DDI2: variants seen among roughly 807,000 people sequenced by gnomAD.
DDI2 encodes DDI proteasomal shuttling factor 2.
A neutral mutation model predicts 48.1 loss-of-function variants in DDI2; 5 were observed. The observed-to-expected ratio is 0.10, with a 90% CI of 0.05 to 0.22. The LOEUF (loss-of-function observed/expected upper bound fraction) is 0.22, where lower values mean the gene tolerates loss of function less well. Ranked by LOEUF, DDI2 falls within the 10% of genes least tolerant of loss-of-function variation. The pLI, the probability that DDI2 is intolerant of heterozygous loss-of-function variation, is 1.00. For missense variants in DDI2, 285 were observed against 506.2 expected (o/e 0.56, Z 4.19); for synonymous variants, 205 against 183.6 (o/e 1.12, Z -0.94).
chr1:15,667,419 G>C lies in DDI2; in HGVS notation c.*7629G>C, dbSNP rs945882904. 1 of 152,154 alleles carries C rather than the reference G, an allele frequency of 6.6e-6. No individual in the cohort carries two copies. Among genetic ancestry groups the C allele is most frequent in the African/African-American group, 2.4e-5 (1 of 41,442 alleles). 9.4% of individuals were successfully genotyped at this position (152,154 alleles called of 1,614,324 possible). On this transcript the variant is annotated 3_prime_UTR_variant, in exon 10 of 10. Coordinates refer to ENST00000480945, the MANE Select transcript of DDI2 (RefSeq NM_032341.5). ...ATCCATCAGACCACCTCACATGCAG[G>C]GTAGAAACATGGAGTGTGCGGCAGC...
intron 5 of DDI2, among the ~76,000 whole-genome samples, chr1:15,639,959 C>T (rs1401802543): frequency 1.3e-5 from 2 of 151,352 alleles, no homozygotes; most frequent in Admixed American, 1.3e-4. Flanking sequence ...TCAGGGCTTG[C>T]AGTGAGCTGT....
chr1:15,619,777 C>T (rs1249500710), intron 1 of DDI2, among the ~76,000 whole-genome samples: 1 of 152,068 alleles, frequency 6.6e-6, no homozygotes, highest in African/African-American at 2.4e-5. Flanking sequence ...TTGTTTTTTC[C>T]TCTAGCTGTT....
intron 1 of DDI2, among the ~76,000 whole-genome samples, chr1:15,620,170 CTGGTGTTAAGCCTGTAT>C (rs1453961024): frequency 6.6e-6 from 1 of 152,174 alleles, no homozygotes; most frequent in African/African-American, 2.4e-5. Context: ...TGGGCTCCAA[CTGGTGTTAAGCCTGTAT>C]TAGATAGCCA....
At chr1:15,623,387 C>CTTTTTT (rs777821777) in intron 1 of DDI2, among the ~76,000 whole-genome samples, 5 of 107,464 alleles carry the variant, frequency 4.7e-5, no homozygotes, top group African/African-American at 1.1e-4. Context: ...TTTTCTTCTT[C>CTTTTTT]TTTTTTTTTT....
intron 8 of DDI2, among the ~76,000 whole-genome samples, chr1:15,652,446 C>CGGGGGGGGG (rs1396074011): frequency 1.3e-4 from 2 of 15,882 alleles, no homozygotes; most frequent in Non-Finnish European, 3.0e-4. Flanking sequence ...TGGGAGGCTC[C>CGGGGGGGGG]GGAGGGGGGG....
At chr1:15,655,961 C>T (rs917951125) in intron 8 of DDI2, among the ~76,000 whole-genome samples, 1 of 151,676 alleles carries the variant, frequency 6.6e-6, no homozygotes, top group South Asian at 2.1e-4. Flanking sequence ...TTTTTAAATA[C>T]TTTATACTCT....
intron 9 of DDI2, among the ~76,000 whole-genome samples, chr1:15,657,516 C>T (rs940439174): frequency 2.0e-5 from 3 of 152,180 alleles, no homozygotes; most frequent in Non-Finnish European, 2.9e-5. Flanking sequence ...TGACCTAGTC[C>T]TCCCCTACGT....
chr1:15,628,815 T>C (rs1050949475), intron 2 of DDI2, among the ~76,000 whole-genome samples: 2 of 152,222 alleles, frequency 1.3e-5, no homozygotes, highest in African/African-American at 4.8e-5. Context: ...CGTATTTTCA[T>C]TACCTTAAAA....
intron 1 of DDI2, among the ~76,000 whole-genome samples, chr1:15,625,713 G>A (rs537584856): frequency 7.5e-4 from 114 of 152,190 alleles, no homozygotes; most frequent in African/African-American, 2.6e-3. Flanking sequence ...TTGCCTCCCG[G>A]GTTTAAGCAA....
At position 15,662,465 on chromosome 1, in the gene DDI2, G is replaced by A. The variant is rs900817052; in HGVS notation, c.*2675G>A. The A allele has an allele frequency of 6.6e-6, 1 of 152,150 alleles. No homozygotes were observed. Among genetic ancestry groups the A allele is most frequent in the African/African-American group, 2.4e-5 (1 of 41,414 alleles). The allele number at this position is 152,150 out of a possible 1,614,324, so 9.4% of individuals were successfully genotyped here. A position where few individuals can be genotyped will look rare whatever the true frequency, so the allele number is the denominator to read the frequency against. On this transcript the variant is annotated 3_prime_UTR_variant, in exon 10 of 10. Coordinates refer to ENST00000480945, the MANE Select transcript of DDI2 (RefSeq NM_032341.5). ...GGAGTTACAATGCAAGTGAAACGTG[G>A]TGCTACCCAGATTCTTAAAAGAACA... is the stretch of plus-strand genomic sequence containing the variant.
chr1:15,617,905 T>A, intron 1 of DDI2, 97 bp downstream of exon 1: 4 of 1,380,328 alleles, frequency 2.9e-6, no homozygotes, highest in Non-Finnish European at 3.8e-6. Context: ...AATTGGGGGC[T>A]GGGGGGAGCA....
intron 1 of DDI2, 57 bp from the exon 2 acceptor site, chr1:15,626,612 C>A: frequency 6.2e-7 from 1 of 1,605,092 alleles, no homozygotes; most frequent in Non-Finnish European, 8.5e-7. Flanking sequence ...GTCCTTCTGC[C>A]TTGCGCTGTG....
At chr1:15,648,576 A>G (rs1204006387) in intron 6 of DDI2, among the ~76,000 whole-genome samples, 2 of 152,230 alleles carry the variant, frequency 1.3e-5, no homozygotes, top group Admixed American at 6.5e-5. Context: ...TCAAAGGACT[A>G]TCTAGAAGAT....
At chr1:15,639,704 C>A (rs1403417986) in intron 5 of DDI2, among the ~76,000 whole-genome samples, 1 of 152,160 alleles carries the variant, frequency 6.6e-6, no homozygotes, top group African/African-American at 2.4e-5. Flanking sequence ...CCTCAACTCT[C>A]ATTAAGAGTT....
At chr1:15,640,371 G>T (rs187550272) in intron 5 of DDI2, among the ~76,000 whole-genome samples, 1 of 152,266 alleles carries the variant, frequency 6.6e-6, no homozygotes, top group East Asian at 1.9e-4. Flanking sequence ...ATATAGAGAG[G>T]TCACATTCTC....
At position 15,633,584 on chromosome 1, in the gene DDI2, A is replaced by G; in HGVS notation, c.632+19A>G. 8 of 1,607,984 alleles carry G rather than the reference A, an allele frequency of 5.0e-6. No homozygotes were observed. The highest frequency in any genetic ancestry group is 6.8e-6 in the Non-Finnish European group (8 of 1,176,718). ...ATATAAGGTAAAGACCTGTTCATCT[A>G]AAGAACAAAACTTAGAGACTCCAGA... On this transcript the variant is annotated intron_variant, in intron 4 of 9. Coordinates refer to ENST00000480945, the MANE Select transcript of DDI2 (RefSeq NM_032341.5).
chr1:15,651,818 G>A lies in DDI2; in HGVS notation c.1106G>A (p.Gly369Glu), dbSNP rs1431618713. Residue 369 changes from glycine (G) to glutamate (E), a missense_variant, in exon 8 of 10, where the codon GGA becomes GAA. Physicochemically the swap from Gly to Glu is moderately conservative, Grantham distance 98. This residue lies in a region of DDI2 where 66 missense variants were observed against 87.3 expected (regional missense o/e 0.76). Coordinates refer to ENST00000480945, the MANE Select transcript of DDI2 (RefSeq NM_032341.5). ...PECARLAYGA[G>E]REDVRPEEIA... ...TGTGCCCGGTTGGCATATGGGGCTG[G>A]AAGAGAGGATGTACGGCCAGAGGAG... 6.2e-7 allele frequency: 1 copy of A among 1,614,074 alleles called. No homozygotes were observed. Among genetic ancestry groups the A allele is most frequent in the South Asian group, 1.1e-5 (1 of 91,070 alleles).
At chr1:15,637,762 A>G (rs1325741622) in intron 4 of DDI2, among the ~76,000 whole-genome samples, 5 of 152,130 alleles carry the variant, frequency 3.3e-5, no homozygotes, top group Non-Finnish European at 7.4e-5. Context: ...TTTGTAGCAT[A>G]AGCTGTTATA....
chr1:15,645,136 C>A (rs1348312684), intron 6 of DDI2, among the ~76,000 whole-genome samples: 1 of 152,056 alleles, frequency 6.6e-6, no homozygotes, highest in Non-Finnish European at 1.5e-5. Context: ...TCAAGTGATC[C>A]GCCCACGAGG....
Sources: gnomAD v4.1 joint callset for allele counts (sites outside exome capture counted in the v4.1 genomes callset) on GRCh38, gnomAD v4.1.1 for gene constraint, gnomAD v4.1.1 regional missense constraint, MANE v1.5 for transcripts, NCBI Gene and HGNC (gene_info 2026-07-23, HGNC 2026-07-21) for gene names.